The following INSL6 variants were observed in gnomAD, a reference collection of about 807,000 sequenced individuals.
The protein encoded by INSL6 is insulin-like peptide INSL6.
In INSL6, 16 loss-of-function variants were observed where a neutral mutation model predicts 9.4. That is an observed-to-expected ratio of 1.70 (90% CI 1.15 to 2.59). INSL6 has a LOEUF of 2.59. INSL6 is among the 30% of genes most tolerant of loss of function. The pLI is 0.00. For missense variants in INSL6, 391 were observed against 257.3 expected (o/e 1.52, Z -3.56); for synonymous variants, 154 against 96.9 (o/e 1.59, Z -3.46).
chr9:5,043,774 A>G, the INSL6 span, among the ~76,000 whole-genome samples: 6 of 152,260 alleles, frequency 3.9e-5, no homozygotes, highest in African/African-American at 1.4e-4. Flanking sequence ...AATAAAAGGA[A>G]ATGAAGTAAT....
the INSL6 span, among the ~76,000 whole-genome samples, chr9:5,068,186 A>C: frequency 1.3e-5 from 2 of 152,036 alleles, no homozygotes; most frequent in Non-Finnish European, 2.9e-5. Flanking sequence ...AAAAAAAAAA[A>C]AAACAAGAAA....
At chr9:5,087,662 T>G in the INSL6 span, among the ~76,000 whole-genome samples, 6 of 152,212 alleles carry the variant, frequency 3.9e-5, no homozygotes, top group African/African-American at 1.4e-4. Context: ...ATAATGATCA[T>G]TGTTGGCAGG....
the INSL6 span, among the ~76,000 whole-genome samples, chr9:5,017,922 T>G: frequency 2.0e-5 from 3 of 152,246 alleles, no homozygotes; most frequent in Non-Finnish European, 2.9e-5. Context: ...TAAAGTCTGT[T>G]GTATCTGATA....
At chr9:5,092,247 A>G in the INSL6 span, among the ~76,000 whole-genome samples, 1 of 152,172 alleles carries the variant, frequency 6.6e-6, no homozygotes, top group South Asian at 2.1e-4. Flanking sequence ...AACCAAGAGT[A>G]GAGTGCTTGG....
chr9:5,160,235 T>C (rs181054761), downstream of INSL6, among the ~76,000 whole-genome samples: 550 of 143,688 alleles, frequency 3.8e-3, 1 homozygote, highest in South Asian at 5.4e-3. Flanking sequence ...TTCCAAAAAA[T>C]TGAAATAATA....
At chr9:5,011,744 T>G in the INSL6 span, among the ~76,000 whole-genome samples, 1 of 152,202 alleles carries the variant, frequency 6.6e-6, no homozygotes. Flanking sequence ...TTTCAATCTT[T>G]CTCTGAAGTA....
chr9:5,131,668 G>A (rs1405508058), intron 3 of INSL6, among the ~76,000 whole-genome samples: 1 of 152,002 alleles, frequency 6.6e-6, no homozygotes, highest in East Asian at 1.9e-4. Context: ...TTGAACTCCT[G>A]ACCTCAGGTG....
At chr9:5,076,186 G>C in the INSL6 span, among the ~76,000 whole-genome samples, 2 of 152,168 alleles carry the variant, frequency 1.3e-5, no homozygotes, top group Admixed American at 1.3e-4. Flanking sequence ...TGTGAACATT[G>C]TGAAATGACA....
chr9:5,183,648 G>A (rs1265628210), intron 1 of INSL6, among the ~76,000 whole-genome samples: 1 of 152,118 alleles, frequency 6.6e-6, no homozygotes, highest in Non-Finnish European at 1.5e-5. Flanking sequence ...TTTGACTACA[G>A]TATTATAGCA....
chr9:5,100,148 T>G, the INSL6 span: 1 of 152,234 alleles, frequency 6.6e-6, no homozygotes. Context: ...ATTCTAATCC[T>G]ACTGACTATT....
At chr9:5,182,662 G>A (rs1189305517) in intron 1 of INSL6, among the ~76,000 whole-genome samples, 2 of 151,896 alleles carry the variant, frequency 1.3e-5, no homozygotes, top group African/African-American at 4.8e-5. Flanking sequence ...AAAAAAACAA[G>A]AATATGTGAC....
At chr9:5,142,789 G>A (rs1228436482) in intron 2 of INSL6, among the ~76,000 whole-genome samples, 1 of 152,192 alleles carries the variant, frequency 6.6e-6, no homozygotes, top group Admixed American at 6.5e-5. Context: ...TTTTCAAGGA[G>A]AATGCTTCAA....
downstream of INSL6, chr9:5,123,138 T>C (rs1823741734): frequency 6.7e-7 from 1 of 1,503,244 alleles, no homozygotes; most frequent in Non-Finnish European, 9.1e-7. Flanking sequence ...GTGCTTTTTA[T>C]TTACTTTCAG....
the INSL6 span, among the ~76,000 whole-genome samples, chr9:5,036,545 A>C: frequency 1.3e-5 from 2 of 151,652 alleles, no homozygotes; most frequent in Non-Finnish European, 3.0e-5. Flanking sequence ...ACCAATGGAA[A>C]GAAATAATGC....
the INSL6 span, among the ~76,000 whole-genome samples, chr9:5,052,495 A>T: frequency 6.6e-6 from 1 of 152,144 alleles, no homozygotes; most frequent in Non-Finnish European, 1.5e-5. Context: ...TTATTGAGAT[A>T]ATTTACAAAT....
rs117842452 is a variant in INSL6, at chr9:5,173,107, T to C, written c.290-8842A>G. The stretch of plus-strand genomic sequence containing the variant: ...AGTCAGAATAGCAATTATTACAAAG[T>C]CAAGAAACAACAGATGCTTTTGAGG... On this transcript the variant is annotated intron_variant, in intron 1 of 1. Coordinates refer to ENST00000381641, the MANE Select transcript of INSL6 (RefSeq NM_007179.3). Among the ~76,000 whole-genome samples the C allele has an allele frequency of 7.6e-4, 116 of 152,186 alleles. No individual in the cohort carries two copies. In the East Asian group the frequency reaches 0.021, roughly 28 times the overall value.
intron 2 of INSL6, among the ~76,000 whole-genome samples, chr9:5,137,323 A>T (rs1343918454): frequency 1.3e-5 from 2 of 152,206 alleles, no homozygotes; most frequent in Non-Finnish European, 2.9e-5. Flanking sequence ...GACAATCCTA[A>T]GCAAAAAGAA....
At chr9:5,103,420 G>A in the INSL6 span, among the ~76,000 whole-genome samples, 1 of 151,630 alleles carries the variant, frequency 6.6e-6, no homozygotes, top group African/African-American at 2.4e-5. Context: ...GATTCATAAA[G>A]CAAGTCCTTA....
chr9:5,043,892 T>A, the INSL6 span, among the ~76,000 whole-genome samples: 3 of 152,244 alleles, frequency 2.0e-5, no homozygotes, highest in African/African-American at 7.2e-5. Context: ...TGTACAATGC[T>A]ATGAATAAAC....
Sources: gnomAD v4.1 joint callset for allele counts (sites outside exome capture counted in the v4.1 genomes callset) on GRCh38, gnomAD v4.1.1 for gene constraint, MANE v1.5 for transcripts, NCBI Gene and HGNC (gene_info 2026-07-23, HGNC 2026-07-21) for gene names.